The following DCC variants were observed in gnomAD, a reference collection of about 807,000 sequenced individuals.
DCC encodes the protein netrin receptor DCC.
A neutral mutation model predicts 172.5 loss-of-function variants in DCC; 58 were observed. The observed-to-expected ratio is 0.34, with a 90% CI of 0.27 to 0.42. DCC has a LOEUF of 0.42. Ranked by LOEUF, DCC falls within the 10% of genes least tolerant of loss-of-function variation. The pLI, the probability that DCC is intolerant of heterozygous loss-of-function variation, is 1.00. For synonymous variants in DCC, 709 were observed against 644.5 expected (o/e 1.10, Z -1.52); for missense variants, 1,740 against 1,791.0 (o/e 0.97, Z 0.51).
At chr18:53,445,732 A>C (rs899447832) in intron 22 of DCC, among the ~76,000 whole-genome samples, 1 of 152,108 alleles carries the variant, frequency 6.6e-6, no homozygotes, top group Non-Finnish European at 1.5e-5. Context: ...TGCTTTATTA[A>C]ATTTAGAAGG....
chr18:53,073,747 A>G (rs2042686988), intron 7 of DCC, among the ~76,000 whole-genome samples: 1 of 151,996 alleles, frequency 6.6e-6, no homozygotes. Context: ...AAGTCAGTAT[A>G]TCATATAGCT....
Position 53,457,285 on chromosome 18 carries a change from G to A in DCC, c.3393-1947G>A, listed in dbSNP as rs576296734. Among the ~76,000 whole-genome samples, 31 of 152,332 alleles carry A rather than the reference G, an allele frequency of 2.0e-4. 1 individual carries two copies. In the South Asian group the frequency reaches 3.7e-3, roughly 18 times the overall value. On this transcript the variant is annotated intron_variant, in intron 23 of 28. Coordinates refer to ENST00000442544, the MANE Select transcript of DCC (RefSeq NM_005215.4). ...TAAAAACAGAAGCCATCTGGGGCTC[G>A]TTGGTACTGAAGTCATGGAAACTAG...
At chr18:53,426,934 A>G (rs1480897737) in intron 21 of DCC, among the ~76,000 whole-genome samples, 2 of 152,186 alleles carry the variant, frequency 1.3e-5, no homozygotes, top group African/African-American at 4.8e-5. Flanking sequence ...TTCCAGATCT[A>G]TAGTCACTTG....
At chr18:53,260,615 T>C (rs1648529153) in intron 12 of DCC, among the ~76,000 whole-genome samples, 1 of 152,112 alleles carries the variant, frequency 6.6e-6, no homozygotes, top group African/African-American at 2.4e-5. Context: ...CTGCCCCTAC[T>C]GGGGGGTGCC....
rs139730651 is a variant in DCC, at chr18:52,740,524, G to A, written c.92-11530G>A. Among the ~76,000 whole-genome samples, 17 of 152,308 alleles carry A rather than the reference G, an allele frequency of 1.1e-4. No homozygotes were observed. In the East Asian group the frequency reaches 3.3e-3, roughly 29 times the overall value. ...TTATCACTGATGAGTCCCCACATCAGACGTTATGCCACAATGTCAACCATG... is the reference window on the plus strand; with the variant it reads ...TTATCACTGATGAGTCCCCACATCAAACGTTATGCCACAATGTCAACCATG... On this transcript the variant is annotated intron_variant, in intron 1 of 28. Coordinates refer to ENST00000442544, the MANE Select transcript of DCC (RefSeq NM_005215.4).
chr18:53,332,083 G>T (rs1164182695), intron 14 of DCC, among the ~76,000 whole-genome samples: 1 of 152,104 alleles, frequency 6.6e-6, no homozygotes, highest in Non-Finnish European at 1.5e-5. Context: ...GGAGAAGAAA[G>T]ATTCTCCATC....
intron 25 of DCC, among the ~76,000 whole-genome samples, chr18:53,470,833 C>A (rs2145189895): frequency 6.6e-6 from 1 of 152,286 alleles, no homozygotes; most frequent in East Asian, 1.9e-4. Context: ...CCCAATGAGC[C>A]AATCACCTCC....
chr18:53,164,592 A>G (rs1165881729), intron 8 of DCC, among the ~76,000 whole-genome samples: 1 of 152,148 alleles, frequency 6.6e-6, no homozygotes, highest in African/African-American at 2.4e-5. Context: ...GCCAATTACT[A>G]GTGACTTTGT....
intron 1 of DCC, among the ~76,000 whole-genome samples, chr18:52,371,166 AAT>A (rs896204921): frequency 3.7e-4 from 56 of 152,332 alleles, no homozygotes; most frequent in African/African-American, 1.1e-3. Flanking sequence ...TAAAAAAAAA[AAT>A]CATACTAGTC....
chr18:53,333,039 C>T (rs1424821158), intron 14 of DCC, among the ~76,000 whole-genome samples: 2 of 147,076 alleles, frequency 1.4e-5, no homozygotes, highest in Admixed American at 6.9e-5. Flanking sequence ...TACTGCGCTC[C>T]AGCCTGGGTG....
At chr18:52,657,674 G>A (rs1210866148) in intron 1 of DCC, among the ~76,000 whole-genome samples, 1 of 152,138 alleles carries the variant, frequency 6.6e-6, no homozygotes, top group African/African-American at 2.4e-5. Flanking sequence ...AGAGATGCAC[G>A]TCCTAATCCC....
intron 27 of DCC, among the ~76,000 whole-genome samples, chr18:53,520,281 C>CTGTT (rs1303207559): frequency 1.3e-5 from 2 of 152,208 alleles, no homozygotes; most frequent in South Asian, 2.1e-4. Context: ...GTCCAGTATC[C>CTGTT]TGTTTGGATT....
chr18:53,046,672 A>G (rs994739276), intron 5 of DCC, among the ~76,000 whole-genome samples: 2 of 152,006 alleles, frequency 1.3e-5, no homozygotes, highest in Non-Finnish European at 2.9e-5. Context: ...AATTCCACAT[A>G]ACTTGAAAAC....
chr18:53,164,663 G>T (rs1450129958), intron 8 of DCC, among the ~76,000 whole-genome samples: 1 of 152,108 alleles, frequency 6.6e-6, no homozygotes, highest in African/African-American at 2.4e-5. Flanking sequence ...ATTACATGAA[G>T]TTAAATAAAA....
intron 1 of DCC, among the ~76,000 whole-genome samples, chr18:52,356,841 G>A (rs1302112287): frequency 1.3e-5 from 2 of 151,828 alleles, no homozygotes; most frequent in Non-Finnish European, 2.9e-5. Context: ...GGAGTGCAGT[G>A]ATGTGATTTT....
At chr18:53,266,568 C>A (rs1437273205) in intron 12 of DCC, among the ~76,000 whole-genome samples, 1 of 151,932 alleles carries the variant, frequency 6.6e-6, no homozygotes, top group Admixed American at 6.6e-5. Flanking sequence ...ATTCACATGC[C>A]ATAAAATTCA....
At chr18:53,478,122 TG>T (rs1382104986) in intron 25 of DCC, among the ~76,000 whole-genome samples, 1 of 151,844 alleles carries the variant, frequency 6.6e-6, no homozygotes. Context: ...GGGGCAAGGG[TG>T]GGATTGAACT....
At chr18:52,566,858 A>G (rs1312505413) in intron 1 of DCC, among the ~76,000 whole-genome samples, 5 of 152,160 alleles carry the variant, frequency 3.3e-5, no homozygotes, top group Non-Finnish European at 7.3e-5. Context: ...GATTCAACCT[A>G]GCTTGGATAC....
chr18:52,390,154 A>T (rs1243432482), intron 1 of DCC, among the ~76,000 whole-genome samples: 6 of 152,082 alleles, frequency 3.9e-5, no homozygotes, highest in African/African-American at 1.4e-4. Flanking sequence ...TCTTCCCTCT[A>T]TGAGGATCCT....
Sources: allele counts gnomAD v4.1 joint callset (sites outside exome capture counted in the v4.1 genomes callset), GRCh38; gene constraint gnomAD v4.1.1; transcripts MANE v1.5; gene names NCBI Gene and HGNC (gene_info 2026-07-23, HGNC 2026-07-21).